Variants in PIP4K2A observed in about 807,000 individuals in gnomAD.
PIP4K2A encodes phosphatidylinositol 5-phosphate 4-kinase type-2 alpha.
Under a neutral mutation model 42.9 loss-of-function variants are expected in PIP4K2A, and 14 were observed. The ratio of observed to expected loss-of-function variants is 0.33; its 90% CI spans 0.22 to 0.51. The LOEUF is 0.51. Among genes scored for constraint, PIP4K2A ranks in the 20% least tolerant of loss-of-function variants. PIP4K2A has a pLI of 0.97. For missense variants in PIP4K2A, 434 were observed against 519.8 expected (o/e 0.83, Z 1.61); for synonymous variants, 192 against 192.2 (o/e 1.00, Z 0.01).
rs141690260 is a variant in PIP4K2A at position 22,562,748 on chromosome 10, A to G, written c.678+5103T>C. Among the ~76,000 whole-genome samples, 509 of 152,084 alleles carry G rather than the reference A, an allele frequency of 3.3e-3. 3 individuals carry two copies. The highest frequency in any genetic ancestry group is 0.011 in the African/African-American group (472 of 41,456). On this transcript the variant is annotated intron_variant, in intron 6 of 9. Transcript: ENST00000376573. ...CTTCTCGACACGCTCCTCCTGGGTG[A>G]CCTCACCCACTTCCCTGTCTCTGCT...
At chr10:22,620,538 G>A (rs1274013452) in intron 1 of PIP4K2A, among the ~76,000 whole-genome samples, 1 of 152,250 alleles carries the variant, frequency 6.6e-6, no homozygotes, top group African/African-American at 2.4e-5. Context: ...TCACAGTGAT[G>A]TGTGCTTTGG....
chr10:22,578,527 C>T (rs977590808), intron 4 of PIP4K2A, among the ~76,000 whole-genome samples: 3 of 152,178 alleles, frequency 2.0e-5, no homozygotes, highest in Admixed American at 6.5e-5. Flanking sequence ...TACTCCGTCC[C>T]ATCTTTCCTG....
intron 1 of PIP4K2A, among the ~76,000 whole-genome samples, chr10:22,689,164 C>A (rs1189263826): frequency 6.6e-6 from 1 of 152,138 alleles, no homozygotes; most frequent in Non-Finnish European, 1.5e-5. Flanking sequence ...TCCTCCCCTC[C>A]TCACTCCCCA....
chr10:22,598,597 A>C (rs1232198049), intron 3 of PIP4K2A, among the ~76,000 whole-genome samples: 2 of 152,220 alleles, frequency 1.3e-5, no homozygotes, highest in Admixed American at 1.3e-4. Flanking sequence ...GATGACGACA[A>C]AACAGAATGG....
intron 1 of PIP4K2A, among the ~76,000 whole-genome samples, chr10:22,664,146 TATATAC>T (rs1564460121): frequency 0.019 from 491 of 26,214 alleles, 28 homozygotes; most frequent in African/African-American, 0.13. Context: ...TATATACATA[TATATAC>T]ACATATATAT....
intron 6 of PIP4K2A, among the ~76,000 whole-genome samples, chr10:22,562,069 G>A (rs555540175): frequency 6.6e-6 from 1 of 152,162 alleles, no homozygotes; most frequent in South Asian, 2.1e-4. Context: ...TGTTTTGATA[G>A]CATTTTCCCC....
At chr10:22,619,606 T>C (rs1199822871) in intron 1 of PIP4K2A, among the ~76,000 whole-genome samples, 2 of 152,028 alleles carry the variant, frequency 1.3e-5, no homozygotes, top group Non-Finnish European at 2.9e-5. Context: ...GTGGCTAGTT[T>C]TTGTATTTTT....
intron 6 of PIP4K2A, among the ~76,000 whole-genome samples, chr10:22,563,322 G>A (rs1483247854): frequency 1.3e-5 from 2 of 152,334 alleles, no homozygotes; most frequent in Non-Finnish European, 2.9e-5. Context: ...TGTTTGCACA[G>A]TGTAAGACAC....
chr10:22,696,735 C>A (rs1365566890), intron 1 of PIP4K2A, among the ~76,000 whole-genome samples: 6 of 151,992 alleles, frequency 3.9e-5, no homozygotes, highest in Non-Finnish European at 8.8e-5. Context: ...GTTTTTGTGT[C>A]AAACATTTAA....
intron 3 of PIP4K2A, among the ~76,000 whole-genome samples, chr10:22,605,512 G>C (rs1274406124): frequency 1.3e-5 from 2 of 152,244 alleles, no homozygotes; most frequent in Non-Finnish European, 2.9e-5. Flanking sequence ...TTGGTCATTT[G>C]AGGAAATTTT....
intron 1 of PIP4K2A, among the ~76,000 whole-genome samples, chr10:22,627,739 A>C (rs1838476664): frequency 6.6e-6 from 1 of 151,882 alleles, no homozygotes; most frequent in Non-Finnish European, 1.5e-5. Context: ...CCTGTGTGCA[A>C]GGTCTTTTAC....
At chr10:22,659,832 C>A (rs1382683872) in intron 1 of PIP4K2A, 1 of 151,858 alleles carries the variant, frequency 6.6e-6, no homozygotes, top group Admixed American at 6.6e-5. Flanking sequence ...CTCCTCCCAC[C>A]CCCAACAACA....
chr10:22,691,377 C>G (rs943703462), intron 1 of PIP4K2A, among the ~76,000 whole-genome samples: 1 of 152,144 alleles, frequency 6.6e-6, no homozygotes, highest in Non-Finnish European at 1.5e-5. Context: ...TATGTTTATT[C>G]TGACTCTTGC....
chr10:22,643,600 T>C (rs1485346998), intron 1 of PIP4K2A, among the ~76,000 whole-genome samples: 1 of 151,964 alleles, frequency 6.6e-6, no homozygotes, highest in African/African-American at 2.4e-5. Flanking sequence ...CCCAAATCCC[T>C]CCATGGGGCT....
intron 3 of PIP4K2A, among the ~76,000 whole-genome samples, chr10:22,603,572 A>C (rs1434468330): frequency 6.6e-6 from 1 of 152,232 alleles, no homozygotes; most frequent in Non-Finnish European, 1.5e-5. Context: ...TTAGCATCTA[A>C]TACAGAATCT....
At chr10:22,641,441 TTTTC>T (rs895694767) in intron 1 of PIP4K2A, among the ~76,000 whole-genome samples, 1 of 152,102 alleles carries the variant, frequency 6.6e-6, no homozygotes, top group African/African-American at 2.4e-5. Flanking sequence ...GATCATTTTT[TTTTC>T]TTTTTCTTTT....
intron 1 of PIP4K2A, chr10:22,659,805 C>A (rs1157756024): frequency 6.6e-6 from 1 of 151,834 alleles, no homozygotes; most frequent in Non-Finnish European, 1.5e-5. Flanking sequence ...AGATTCCAAC[C>A]CTCCCACTCC....
At chr10:22,550,022 TA>T (rs1346298146) in intron 7 of PIP4K2A, among the ~76,000 whole-genome samples, 1 of 152,166 alleles carries the variant, frequency 6.6e-6, no homozygotes, top group Non-Finnish European at 1.5e-5. Context: ...GAACAGTGTT[TA>T]AAAGCAAAAC....
chr10:22,680,508 C>G (rs1458063209), intron 1 of PIP4K2A, among the ~76,000 whole-genome samples: 1 of 152,180 alleles, frequency 6.6e-6, no homozygotes, highest in Non-Finnish European at 1.5e-5. Context: ...TAACTACATT[C>G]TTTACTAACA....
Sources: allele counts gnomAD v4.1 joint callset (sites outside exome capture counted in the v4.1 genomes callset), GRCh38; gene constraint gnomAD v4.1.1; transcripts MANE v1.5; gene names NCBI Gene and HGNC (gene_info 2026-07-23, HGNC 2026-07-21).